The following MOCOS variants were observed in gnomAD, a reference collection of about 807,000 sequenced individuals.
The protein encoded by MOCOS is molybdenum cofactor sulfurase.
MOCOS carries 86 observed loss-of-function variants against 83.6 expected under a neutral mutation model. The ratio of observed to expected loss-of-function variants is 1.03; its 90% CI spans 0.86 to 1.23. MOCOS has a LOEUF of 1.23. Ranked by LOEUF, MOCOS falls within the 50% of genes most tolerant of loss-of-function variation. The pLI is 0.00. For synonymous variants in MOCOS, 445 were observed against 434.7 expected (o/e 1.02, Z -0.29); for missense variants, 1,120 against 1,126.9 (o/e 0.99, Z 0.09).
In MOCOS at chr18:36,260,164, T is replaced by C. The variant is rs775362462; in HGVS notation, c.2398T>C (p.Leu800=). The C allele has an allele frequency of 6.2e-7, 1 of 1,614,166 alleles. No individual in the cohort carries two copies. The highest frequency in any genetic ancestry group is 8.5e-7 in the Non-Finnish European group (1 of 1,180,010). Residue 800 remains leucine (L), a synonymous_variant, in exon 13 of 15, where the codon TTG becomes CTG. Coordinates refer to ENST00000261326, the MANE Select transcript of MOCOS (RefSeq NM_017947.4). ...EKWDEISIGS[L]RFQVLGPCHR... is the part of the protein sequence containing the mutation. ...ATGGGATGAGATTTCAATTGGCTCT[T>C]TGCGTTTCCAGGTAAGTTTGGGGAA...
intron 12 of MOCOS, among the ~76,000 whole-genome samples, chr18:36,259,196 A>G (rs896884821): frequency 2.6e-5 from 4 of 152,130 alleles, no homozygotes; most frequent in Non-Finnish European, 5.9e-5. Flanking sequence ...TAATCCCAGC[A>G]CTTTGAGAGG....
chr18:36,196,660 T>G (rs2091388809), intron 2 of MOCOS, among the ~76,000 whole-genome samples: 1 of 152,102 alleles, frequency 6.6e-6, no homozygotes, highest in Non-Finnish European at 1.5e-5. Flanking sequence ...TTGCAAAGGT[T>G]CTTGTAATTC....
At chr18:36,194,533 T>C (rs2091379463) in intron 1 of MOCOS, among the ~76,000 whole-genome samples, 1 of 152,144 alleles carries the variant, frequency 6.6e-6, no homozygotes, top group Non-Finnish European at 1.5e-5. Context: ...TCCACAAAAG[T>C]GTGGGTATTT....
chr18:36,268,396 C>T, intron 14 of MOCOS, 137 bp from the exon 15 acceptor site: 1 of 1,037,754 alleles, frequency 9.6e-7, no homozygotes, highest in Non-Finnish European at 1.4e-6. Context: ...TACTGTGTAA[C>T]AGATAGGAGA....
chr18:36,216,250 T>C (rs2091476127), intron 8 of MOCOS, among the ~76,000 whole-genome samples: 1 of 152,226 alleles, frequency 6.6e-6, no homozygotes, highest in African/African-American at 2.4e-5. Flanking sequence ...GTGCTGGCTG[T>C]GTGCTGAAGC....
chr18:36,225,759 G>C (rs1287819250), intron 9 of MOCOS, among the ~76,000 whole-genome samples: 6 of 151,678 alleles, frequency 4.0e-5, no homozygotes, highest in African/African-American at 1.2e-4. Context: ...TTTGTCTTTG[G>C]TATTTTATAA....
At chr18:36,238,363 C>G (rs1446413146) in intron 9 of MOCOS, among the ~76,000 whole-genome samples, 2 of 150,980 alleles carry the variant, frequency 1.3e-5, no homozygotes, top group African/African-American at 2.4e-5. Flanking sequence ...CAAAGAACAT[C>G]TTTATTTCTG....
At position 36,195,261 on chromosome 18, in the gene MOCOS, TG is replaced by T; in HGVS notation, c.148del (p.Val50SerfsTer65). On this transcript the variant is annotated frameshift_variant, in exon 2 of 15. Transcript: ENST00000261326. LOFTEE classifies it high-confidence loss of function. ...TTATTTTGTGTTTTCTTTCAGGAACTGTCTATCTTGACCATGCAGGTGCCAC... is the reference window on the plus strand; with the variant it reads ...TTATTTTGTGTTTTCTTTCAGGAACTTCTATCTTGACCATGCAGGTGCCAC... ...AREFSRLAGT[V>X]YLDHAGATLF... The T allele has an allele frequency of 6.2e-7, 1 of 1,613,958 alleles. No individual in the cohort carries two copies. Among genetic ancestry groups the T allele is most frequent in the East Asian group, 2.2e-5 (1 of 44,888 alleles).
Position 36,224,290 on chromosome 18 carries a change from T to G in MOCOS, c.1960+4073T>G, listed in dbSNP as rs1769259950. On this transcript the variant is annotated intron_variant, in intron 9 of 14. Coordinates refer to ENST00000261326, the MANE Select transcript of MOCOS (RefSeq NM_017947.4). ...TTGAATGTCTTTTATTTCTTTTTCT[T>G]GCCTAATTGCTCTGACTAGAACTTC... 5.3e-5 allele frequency among the ~76,000 whole-genome samples: 8 copies of G among 152,348 alleles called. No individual in the cohort carries two copies. In the South Asian group the frequency reaches 1.7e-3, roughly 32 times the overall value.
chr18:36,259,553 CAAAA>C (rs11302704), intron 12 of MOCOS, among the ~76,000 whole-genome samples: 8 of 141,466 alleles, frequency 5.7e-5, no homozygotes, highest in Middle Eastern at 3.7e-3. Context: ...TTTTAATACC[CAAAA>C]AAAAAAAAAA....
intron 14 of MOCOS, 109 bp from the exon 15 acceptor site, chr18:36,268,424 T>A: frequency 7.3e-7 from 1 of 1,366,204 alleles, no homozygotes; most frequent in Non-Finnish European, 1.0e-6. Flanking sequence ...TCTCAGTATA[T>A]GTCTTTAAAA....
intron 9 of MOCOS, among the ~76,000 whole-genome samples, chr18:36,237,519 C>G (rs2091563995): frequency 6.6e-6 from 1 of 152,164 alleles, no homozygotes; most frequent in Non-Finnish European, 1.5e-5. Context: ...TGATGTCCTG[C>G]TGGATTTGGT....
At chr18:36,244,114 T>A (rs994161315) in intron 9 of MOCOS, among the ~76,000 whole-genome samples, 7 of 152,120 alleles carry the variant, frequency 4.6e-5, no homozygotes, top group African/African-American at 1.7e-4. Context: ...TTGTTTCAAT[T>A]TCATTTAGTG....
intron 9 of MOCOS, among the ~76,000 whole-genome samples, chr18:36,232,208 C>T (rs1186098079): frequency 6.6e-6 from 1 of 152,180 alleles, no homozygotes; most frequent in Non-Finnish European, 1.5e-5. Context: ...CTCCTGAGCT[C>T]AAGCGATCCA....
chr18:36,232,901 T>A (rs2144934208), intron 9 of MOCOS, among the ~76,000 whole-genome samples: 1 of 150,030 alleles, frequency 6.7e-6, no homozygotes, highest in South Asian at 2.1e-4. Context: ...ATTTTCTTTA[T>A]CCATTCATTA....
intron 8 of MOCOS, among the ~76,000 whole-genome samples, 180 bp from the exon 9 acceptor site, chr18:36,219,875 C>T (rs1407904807): frequency 6.6e-6 from 1 of 152,134 alleles, no homozygotes; most frequent in Non-Finnish European, 1.5e-5. Context: ...ATATCCAGCT[C>T]CTACATCATC....
chr18:36,203,192 C>G lies in MOCOS; in HGVS notation c.1018+3C>G. The stretch of plus-strand genomic sequence containing the variant: ...TGACACCCTAGAGCGCCTCACAGGT[C>G]AGTGGACATTTCTATCCCTGTGGAA... On this transcript the variant is annotated splice_donor_region_variant and intron_variant, in intron 5 of 14. Coordinates refer to ENST00000261326, the MANE Select transcript of MOCOS (RefSeq NM_017947.4). The G allele has an allele frequency of 6.2e-7, 1 of 1,613,082 alleles. No individual in the cohort carries two copies. The highest frequency in any genetic ancestry group is 8.5e-7 in the Non-Finnish European group (1 of 1,179,068).
intron 9 of MOCOS, among the ~76,000 whole-genome samples, chr18:36,224,398 A>G (rs948380787): frequency 6.6e-6 from 1 of 152,174 alleles, no homozygotes; most frequent in Non-Finnish European, 1.5e-5. Context: ...TCAGTTTTTC[A>G]TCATGGAGTA....
At chr18:36,229,034 T>C (rs1405973741) in intron 9 of MOCOS, among the ~76,000 whole-genome samples, 1 of 152,150 alleles carries the variant, frequency 6.6e-6, no homozygotes, top group Non-Finnish European at 1.5e-5. Context: ...TTTGACATAT[T>C]TTTGTAGCTA....
Sources: gnomAD v4.1 joint callset for allele counts (sites outside exome capture counted in the v4.1 genomes callset) on GRCh38, gnomAD v4.1.1 for gene constraint, MANE v1.5 for transcripts, NCBI Gene and HGNC (gene_info 2026-07-23, HGNC 2026-07-21) for gene names.